The following ARHGEF10 variants were observed in gnomAD, a reference collection of about 807,000 sequenced individuals.
ARHGEF10 encodes the protein Rho guanine nucleotide exchange factor 10, also known as Rho guanine nucleotide exchange factor (GEF) 10.
A neutral mutation model predicts 147.4 loss-of-function variants in ARHGEF10; 140 were observed. The observed-to-expected ratio is 0.95, with a 90% CI of 0.83 to 1.09. ARHGEF10 has a LOEUF of 1.09. Among genes scored for constraint, ARHGEF10 ranks in the 50% least tolerant of loss-of-function variants. The probability of loss-of-function intolerance (pLI) is 0.00; values close to 1 mark genes in which losing one functional copy is unlikely to be tolerated. For missense variants in ARHGEF10, 2,222 were observed against 1,752.7 expected (o/e 1.27, Z -4.78); for synonymous variants, 902 against 695.8 (o/e 1.30, Z -4.67).
At position 1,823,979 on chromosome 8, in the gene ARHGEF10, G is replaced by T. The variant is rs549292460; in HGVS notation, c.-182G>T. On this transcript the variant is annotated 5_prime_UTR_variant, in exon 1 of 29. Transcript: ENST00000349830. ...GGGCGCGCGATCCGGGACGGACGGG[G>T]TCGCGGGGGACGCGGGGGACGCGGG... The T allele has an allele frequency of 7.3e-6, 1 of 136,612 alleles. No individual in the cohort carries two copies. Among genetic ancestry groups the T allele is most frequent in the African/African-American group, 2.9e-5 (1 of 34,734 alleles). The allele number at this position is 136,612 out of a possible 1,614,324, so 8.5% of individuals were successfully genotyped here.
At chr8:1,868,328 G>A (rs1161268881) in intron 6 of ARHGEF10, among the ~76,000 whole-genome samples, 1 of 152,186 alleles carries the variant, frequency 6.6e-6, no homozygotes, top group Non-Finnish European at 1.5e-5. Flanking sequence ...TGAGGAAGCG[G>A]TTGTCTGTAT....
intron 21 of ARHGEF10, among the ~76,000 whole-genome samples, chr8:1,924,224 G>A (rs1227482585): frequency 1.3e-5 from 2 of 152,138 alleles, no homozygotes; most frequent in Non-Finnish European, 2.9e-5. Flanking sequence ...TGGCAGGGGG[G>A]TCATTGTTCC....
chr8:1,942,115 A>G (rs2129264866), intron 26 of ARHGEF10, among the ~76,000 whole-genome samples: 1 of 152,064 alleles, frequency 6.6e-6, no homozygotes, highest in South Asian at 2.1e-4. Context: ...AAAATAAGAT[A>G]CACTGGGCTT....
At position 1,909,592 on chromosome 8, in the gene ARHGEF10, G is replaced by A. The variant is rs1427364579; in HGVS notation, c.2143+122G>A. The A allele has an allele frequency of 9.8e-6, 13 of 1,323,804 alleles. No individual in the cohort carries two copies. In the African/African-American group the frequency reaches 1.7e-4, roughly 18 times the overall value. The allele number at this position is 1,323,804 out of a possible 1,614,324, so 82.0% of individuals were successfully genotyped here. A position where few individuals can be genotyped will look rare whatever the true frequency, so the allele number is the denominator to read the frequency against. ...GTTCAGGGTTTAACATGGCAAGTCT[G>A]CAGAGGTGATCCAGTCTCTAGAATC... On this transcript the variant is annotated intron_variant, in intron 18 of 28. Transcript: ENST00000349830.
At chr8:1,930,945 T>C (rs2129229516) in intron 25 of ARHGEF10, among the ~76,000 whole-genome samples, 1 of 152,358 alleles carries the variant, frequency 6.6e-6, no homozygotes, top group South Asian at 2.1e-4. Flanking sequence ...GTTGCCTCCC[T>C]CTCATCCGGT....
Position 1,909,392 on chromosome 8 carries a change from G to A in ARHGEF10, c.2065G>A (p.Ala689Thr), listed in dbSNP as rs199578912. The A allele has an allele frequency of 2.0e-4, 316 of 1,614,006 alleles. 1 individual carries two copies. The highest frequency in any genetic ancestry group is 3.6e-4 in the East Asian group (16 of 44,892). Residue 689 changes from alanine to threonine, a missense_variant, in exon 18 of 29, where the codon GCA becomes ACA. Transcript: ENST00000349830. ...GGACGCCATCGAGTATGGCAGCAGCGCAGGCACGGGCGAGCACAGCAGGCA... is the reference window on the plus strand; with the variant it reads ...GGACGCCATCGAGTATGGCAGCAGCACAGGCACGGGCGAGCACAGCAGGCA... ...HVDAIEYGSS[A>T]GTGEHSRHLA...
At chr8:1,874,869 C>G (rs1278727826) in intron 7 of ARHGEF10, among the ~76,000 whole-genome samples, 2 of 87,590 alleles carry the variant, frequency 2.3e-5, no homozygotes, top group Non-Finnish European at 4.8e-5. Flanking sequence ...CTAAGACAGT[C>G]TGGTGGGAGA....
intron 7 of ARHGEF10, among the ~76,000 whole-genome samples, chr8:1,873,332 A>G (rs1807294450): frequency 1.3e-5 from 2 of 152,212 alleles, no homozygotes. Context: ...CGAGGAAATT[A>G]TATGTGTGTA....
intron 17 of ARHGEF10, among the ~76,000 whole-genome samples, chr8:1,906,363 T>G (rs1399451552): frequency 1.3e-5 from 2 of 152,138 alleles, no homozygotes; most frequent in African/African-American, 4.8e-5. Context: ...CTTCCAGAGT[T>G]TTGAGATCCA....
chr8:1,923,884 G>A lies in ARHGEF10; in HGVS notation c.2488+10G>A, dbSNP rs1307978820. The A allele has an allele frequency of 1.2e-6, 2 of 1,612,604 alleles. No homozygotes were observed. The highest frequency in any genetic ancestry group is 2.2e-5 in the East Asian group (1 of 44,872). Reference sequence around the variant, plus strand: ...GCCAAGCTCGCCCTAGGTAAGGCCTGGCTGGCTGAGGCTGAATGAGGCATG... The same window carrying A: ...GCCAAGCTCGCCCTAGGTAAGGCCTAGCTGGCTGAGGCTGAATGAGGCATG... On this transcript the variant is annotated intron_variant, in intron 21 of 28. Transcript: ENST00000349830.
chr8:1,888,339 G>A (rs1047748080), intron 11 of ARHGEF10, among the ~76,000 whole-genome samples: 2 of 122,992 alleles, frequency 1.6e-5, no homozygotes, highest in African/African-American at 2.9e-5. Context: ...TGACTGTGAG[G>A]AGACACTGAG....
chr8:1,950,160 C>G (rs367607229), intron 27 of ARHGEF10, among the ~76,000 whole-genome samples: 11 of 152,328 alleles, frequency 7.2e-5, no homozygotes, highest in African/African-American at 2.6e-4. Context: ...ACCACCTCAG[C>G]TGCCCCTGCC....
At chr8:1,826,075 A>T in intron 1 of ARHGEF10, 1 of 1,588,636 alleles carries the variant, frequency 6.3e-7, no homozygotes, top group Non-Finnish European at 8.5e-7. Flanking sequence ...AGCAGCCAAC[A>T]TCGGCAGTTA....
chr8:1,936,779 G>A (rs1301226121), intron 26 of ARHGEF10, among the ~76,000 whole-genome samples: 3 of 152,206 alleles, frequency 2.0e-5, no homozygotes, highest in Non-Finnish European at 4.4e-5. Context: ...TGACGAGACC[G>A]GTTTCAGGAT....
At chr8:1,880,871 C>T (rs899196721) in intron 9 of ARHGEF10, among the ~76,000 whole-genome samples, 3 of 152,224 alleles carry the variant, frequency 2.0e-5, no homozygotes, top group Admixed American at 6.5e-5. Context: ...TCTGGAGCAG[C>T]CGGCTCATCC....
chr8:1,848,132 A>T (rs1188118517), intron 2 of ARHGEF10, among the ~76,000 whole-genome samples: 1 of 152,212 alleles, frequency 6.6e-6, no homozygotes, highest in Non-Finnish European at 1.5e-5. Context: ...AAGAAAACAG[A>T]AAATTGAAGT....
At chr8:1,892,329 T>TG (rs1563244763) in intron 11 of ARHGEF10, among the ~76,000 whole-genome samples, 7 of 94,272 alleles carry the variant, frequency 7.4e-5, no homozygotes, top group African/African-American at 1.7e-4. Flanking sequence ...GTGTGTGTGT[T>TG]TAATCCCAGC....
At chr8:1,939,460 G>T (rs1813899841) in intron 26 of ARHGEF10, among the ~76,000 whole-genome samples, 1 of 152,224 alleles carries the variant, frequency 6.6e-6, no homozygotes, top group South Asian at 2.1e-4. Context: ...GGAGTTTTGG[G>T]GGCAACACTC....
At chr8:1,952,426 G>A (rs992840973) in intron 27 of ARHGEF10, among the ~76,000 whole-genome samples, 3 of 152,226 alleles carry the variant, frequency 2.0e-5, no homozygotes, top group Admixed American at 6.5e-5. Context: ...TGGCTGAAGC[G>A]GCCAAGCAGA....
Sources: gnomAD v4.1 joint callset for allele counts (sites outside exome capture counted in the v4.1 genomes callset) on GRCh38, gnomAD v4.1.1 for gene constraint, MANE v1.5 for transcripts, NCBI Gene and HGNC (gene_info 2026-07-23, HGNC 2026-07-21) for gene names.